TMEM35A: variants seen among roughly 807,000 people sequenced by gnomAD.
The protein encoded by TMEM35A is transmembrane protein 35A.
For synonymous variants in TMEM35A, 50 were observed against 54.7 expected, an observed-to-expected ratio of 0.91 and a Z score of 0.38; for missense variants, 83 against 132.7, an observed-to-expected ratio of 0.63 and a Z score of 1.84.
intron 1 of TMEM35A, among the ~76,000 whole-genome samples, chrX:101,083,832 G>A (rs950942932): frequency 2.7e-5 from 3 of 111,099 alleles, no homozygotes; most frequent in South Asian, 7.7e-4. Flanking sequence ...AGCTGAGTTT[G>A]TTTCAGACAG....
chrX:101,087,803 A>G lies in TMEM35A; in HGVS notation c.121-6770A>G, dbSNP rs140173037. ...GGCACATAACAAGGTCAGGAGTTTG[A>G]GACGAGCCTGGCCAACATAGTGAAA... On this transcript the variant is annotated intron_variant, in intron 1 of 1. Transcript: ENST00000372930. 4.3e-3 allele frequency among the ~76,000 whole-genome samples: 480 copies of G among 111,708 alleles called. 3 individuals are homozygous for G. The highest frequency in any genetic ancestry group is 0.015 in the African/African-American group (465 of 30,774).
At chrX:101,087,764 C>T (rs1361576306) in intron 1 of TMEM35A, among the ~76,000 whole-genome samples, 1 of 111,814 alleles carries the variant, frequency 8.9e-6, no homozygotes, top group African/African-American at 3.2e-5. Context: ...CTATAAGAAA[C>T]TCATCCTGGG....
At chrX:101,090,380 C>T (rs2089320738) in intron 1 of TMEM35A, among the ~76,000 whole-genome samples, 1 of 103,235 alleles carries the variant, frequency 9.7e-6, no homozygotes, top group African/African-American at 3.7e-5. Context: ...ATTGGCCAGG[C>T]TGGTCTCAAA....
At chrX:101,079,368 C>T (rs772864108) in intron 1 of TMEM35A, among the ~76,000 whole-genome samples, 1 of 111,137 alleles carries the variant, frequency 9.0e-6, no homozygotes, top group East Asian at 2.9e-4. Context: ...TACCCCCCAT[C>T]CCAAGTAAAC....
intron 1 of TMEM35A, among the ~76,000 whole-genome samples, chrX:101,087,655 G>T (rs1467664900): frequency 9.0e-6 from 1 of 111,672 alleles, no homozygotes; most frequent in African/African-American, 3.2e-5. Context: ...GTATAGATAA[G>T]AGTTTGTACC....
intron 1 of TMEM35A, among the ~76,000 whole-genome samples, chrX:101,085,175 T>G (rs2089303440): frequency 8.9e-6 from 1 of 112,305 alleles, no homozygotes; most frequent in Non-Finnish European, 1.9e-5. Context: ...TTGGGCTGGT[T>G]ATTAATTGTA....
At chrX:101,089,147 A>G (rs1236968286) in intron 1 of TMEM35A, among the ~76,000 whole-genome samples, 1 of 111,152 alleles carries the variant, frequency 9.0e-6, no homozygotes, top group Non-Finnish European at 1.9e-5. Flanking sequence ...CTCTCTCCTA[A>G]TTTCTCTATG....
At chrX:101,081,783 T>C (rs1322523403) in intron 1 of TMEM35A, 1 of 112,137 alleles carries the variant, frequency 8.9e-6, no homozygotes, top group Non-Finnish European at 1.9e-5. Flanking sequence ...AACATGTCTG[T>C]GAGGTAGATT....
At chrX:101,079,649 C>T (rs896510385) in intron 1 of TMEM35A, among the ~76,000 whole-genome samples, 5 of 111,890 alleles carry the variant, frequency 4.5e-5, no homozygotes, top group Admixed American at 2.9e-4. Flanking sequence ...CCTCCAGCCA[C>T]CTGGGTATGT....
At position 101,094,850 on chromosome X, in the gene TMEM35A, G is replaced by A. The variant is rs754135023; in HGVS notation, c.398G>A (p.Arg133His). 2.7e-5 allele frequency: 33 copies of A among 1,208,349 alleles called. No homozygotes were observed. Among genetic ancestry groups the A allele is most frequent in the South Asian group, 5.3e-5 (3 of 56,791 alleles). ...CTCACTTGCCGCCTGCTGATTGCTC[G>A]CAAGCCCGAAGACCGGTCTTCTGAG... ...ILLTCRLLIA[R>H]KPEDRSSEKK... Residue 133 changes from arginine to histidine, a missense_variant, in exon 2 of 2, where the codon CGC (arginine) becomes CAC (histidine). Coordinates refer to ENST00000372930, the MANE Select transcript of TMEM35A (RefSeq NM_021637.3).
In TMEM35A at chrX:101,095,786, T is replaced by C. The variant is rs1891012390; in HGVS notation, c.*830T>C. 8.9e-6 allele frequency: 1 copy of C among 111,806 alleles called. No homozygotes were observed. The highest frequency in any genetic ancestry group is 1.9e-5 in the Non-Finnish European group (1 of 53,189). The allele number at this position is 111,806 out of a possible 1,213,427, so 9.2% of individuals were successfully genotyped here. On this transcript the variant is annotated 3_prime_UTR_variant, in exon 2 of 2. Coordinates refer to ENST00000372930, the MANE Select transcript of TMEM35A (RefSeq NM_021637.3). Reference sequence around the variant, plus strand: ...GAAGCAGTAAACTTGTTTCCAGACATCTTTTTCAGATTGTCTTAAGCCCAA... The same window carrying C: ...GAAGCAGTAAACTTGTTTCCAGACACCTTTTTCAGATTGTCTTAAGCCCAA...
At chrX:101,082,306 G>C (rs1348642328) in intron 1 of TMEM35A, among the ~76,000 whole-genome samples, 1 of 105,140 alleles carries the variant, frequency 9.5e-6, no homozygotes, top group African/African-American at 3.5e-5. Context: ...GCAAGGGTTA[G>C]TGGAAAGAGT....
chrX:101,095,445 G>A lies in TMEM35A; in HGVS notation c.*489G>A, dbSNP rs910753. The A allele has an allele frequency of 0.099, 10,739 of 108,572 alleles. 1,370 individuals carry two copies. Among genetic ancestry groups the A allele is most frequent in the African/African-American group, 0.34 (10,092 of 29,545 alleles). The allele number at this position is 108,572 out of a possible 1,213,427, so 8.9% of individuals were successfully genotyped here. On this transcript the variant is annotated 3_prime_UTR_variant, in exon 2 of 2. Transcript: ENST00000372930. ...AGGCGGAATAAAACAAATTTCCTAT[G>A]AAGAGAATCCTGATATGAAACAAGT...
At chrX:101,084,601 A>G (rs766946322) in intron 1 of TMEM35A, among the ~76,000 whole-genome samples, 1 of 112,065 alleles carries the variant, frequency 8.9e-6, no homozygotes, top group Admixed American at 9.6e-5. Flanking sequence ...GCTGTGGCTC[A>G]CGCCTGTAAT....
chrX:101,081,266 C>A (rs751779307), intron 1 of TMEM35A, among the ~76,000 whole-genome samples: 4 of 112,105 alleles, frequency 3.6e-5, no homozygotes, highest in Non-Finnish European at 7.5e-5. Context: ...TCAGACTGCC[C>A]TTTTCCAGGG....
Position 101,079,040 on chromosome X carries a change from C to T in TMEM35A, c.38C>T (p.Ser13Leu). The change falls in exon 1 of 2, where the codon TCA becomes TTA. Residue 13 changes from serine to leucine, a missense_variant. Physicochemically the swap from Ser to Leu is moderately radical, Grantham distance 145. Transcript: ENST00000372930. ...AGAACCGTAACTATTGTGGCCCTCT[C>T]AGTGGCCCTGGGACTCTTCTTTGTT... ...SPRTVTIVAL[S>L]VALGLFFVFM... 8.3e-7 allele frequency: 1 copy of T among 1,211,393 alleles called. No homozygotes were observed. Among genetic ancestry groups the T allele is most frequent in the Non-Finnish European group, 1.1e-6 (1 of 895,221 alleles).
In TMEM35A at chrX:101,096,179, T is replaced by C. The variant is rs1232352018; in HGVS notation, c.*1223T>C. ...TTGCTTTTTTCATTACGTACTGTTG[T>C]TTTTCCTTGTTAGGTGTGCTTTGGT... On this transcript the variant is annotated 3_prime_UTR_variant, in exon 2 of 2. Coordinates refer to ENST00000372930, the MANE Select transcript of TMEM35A (RefSeq NM_021637.3). 1 of 111,493 alleles carries C rather than the reference T, an allele frequency of 9.0e-6. No individual in the cohort carries two copies. Among genetic ancestry groups the C allele is most frequent in the Non-Finnish European group, 1.9e-5 (1 of 53,109 alleles). 9.2% of individuals were successfully genotyped at this position (111,493 alleles called of 1,213,427 possible). A position where few individuals can be genotyped will look rare whatever the true frequency, so the allele number is the denominator to read the frequency against.
At chrX:101,082,133 CTTTTTTTTTTT>C in intron 1 of TMEM35A, among the ~76,000 whole-genome samples, 1 of 20,471 alleles carries the variant, frequency 4.9e-5, no homozygotes, top group East Asian at 2.0e-3. Flanking sequence ...TTCTTTCTTT[CTTTTTTTTTTT>C]TTTTTTTTTT....
At chrX:101,081,555 G>C (rs982846298) in intron 1 of TMEM35A, 2 of 111,686 alleles carry the variant, frequency 1.8e-5, no homozygotes, top group African/African-American at 6.5e-5. Context: ...GCCTCTTAGA[G>C]GGACTCTCTA....
Sources: gnomAD v4.1 joint callset for allele counts (sites outside exome capture counted in the v4.1 genomes callset) on GRCh38, gnomAD v4.1.1 for gene constraint, MANE v1.5 for transcripts, NCBI Gene and HGNC (gene_info 2026-07-23, HGNC 2026-07-21) for gene names.